TRPV3: variants seen among roughly 807,000 people sequenced by gnomAD.
TRPV3 encodes VRL-3.
A neutral mutation model predicts 87.1 loss-of-function variants in TRPV3; 88 were observed. The ratio of observed to expected loss-of-function variants is 1.01; its 90% CI spans 0.85 to 1.21. TRPV3 has a LOEUF of 1.21. TRPV3 is among the 50% of genes most tolerant of loss of function. The pLI is 0.00. For missense variants in TRPV3, 1,054 were observed against 1,030.1 expected, an observed-to-expected ratio of 1.02 and a Z score of -0.32; for synonymous variants, 438 against 423.3, an observed-to-expected ratio of 1.03 and a Z score of -0.43.
Position 3,524,296 on chromosome 17 carries a change from C to A in TRPV3, c.1645G>T (p.Ala549Ser). 6.2e-7 allele frequency: 1 copy of A among 1,614,222 alleles called. No individual in the cohort carries two copies. The change falls in exon 13 of 18, where the codon GCC becomes TCC. Residue 549 changes from alanine (A) to serine (S), a missense_variant. Ala to Ser is a moderately conservative substitution (Grantham distance 99). Transcript: ENST00000576742. ...LYLFAYKEYL[A>S]CLVLAMALGW... ...AGGGCCATGGCCAGCACGAGGCAGG[C>A]GAGGTACTCTTTGTAGGCAAACAAG...
At chr17:3,536,004 A>G in intron 6 of TRPV3, among the ~76,000 whole-genome samples, 1 of 152,224 alleles carries the variant, frequency 6.6e-6, no homozygotes, top group Non-Finnish European at 1.5e-5. Context: ...AGTGTCACTG[A>G]GAACGAGGTG....
intron 16 of TRPV3, among the ~76,000 whole-genome samples, chr17:3,515,215 T>C (rs2150777554): frequency 6.6e-6 from 1 of 152,200 alleles, no homozygotes; most frequent in Admixed American, 6.5e-5. Flanking sequence ...TCACAACTGT[T>C]TGTTAGGGTA....
intron 17 of TRPV3, 24 bp from the exon 18 acceptor site, chr17:3,514,035 T>A (rs1011233082): frequency 6.5e-7 from 1 of 1,549,882 alleles, no homozygotes; most frequent in African/African-American, 1.4e-5. Context: ...AAATATATAT[T>A]TTAGAAATAT....
Position 3,542,668 on chromosome 17 carries a change from T to A in TRPV3, c.497A>T (p.Asp166Val). 4 of 1,614,028 alleles carry A rather than the reference T, an allele frequency of 2.5e-6. No individual in the cohort carries two copies. Among genetic ancestry groups the A allele is most frequent in the Non-Finnish European group, 3.4e-6 (4 of 1,179,966 alleles). ...DFLMHKLTAS[D>V]TGKTCLMKAL... ...CTTCATCAGGCAGGTCTTCCCCGTG[T>A]CGGAGGCCGTCAGCTTGTGCATGAG... is the stretch of plus-strand genomic sequence containing the variant. The change falls in exon 6 of 18, where the codon GAC (aspartate) becomes GTC (valine). Residue 166 changes from aspartate (D) to valine (V), a missense_variant. Physicochemically the swap from Asp to Val is radical, Grantham distance 152. Transcript: ENST00000576742.
rs1158603167 is a variant in TRPV3, at chr17:3,530,306, C to T, written c.1066-103G>A. The stretch of plus-strand genomic sequence containing the variant: ...GCTGGGCCCAGGGGATACACCCGCC[C>T]AGAATGGGTGGAGACCTGCCTCTGC... On this transcript the variant is annotated intron_variant, in intron 8 of 17. Transcript: ENST00000576742. The surrounding 1 kb of genome is among the most constrained non-coding windows in gnomAD (Gnocchi z 4.0). 1 of 1,200,642 alleles carries T rather than the reference C, an allele frequency of 8.3e-7. No individual in the cohort carries two copies. The highest frequency in any genetic ancestry group is 1.5e-5 in the African/African-American group (1 of 65,174). The allele number at this position is 1,200,642 out of a possible 1,614,324, so 74.4% of individuals were successfully genotyped here.
chr17:3,554,675 C>T, intron 2 of TRPV3, 57 bp downstream of exon 2: 1 of 1,243,514 alleles, frequency 8.0e-7, no homozygotes, highest in East Asian at 2.4e-5. Flanking sequence ...GGGTGCCAGG[C>T]CCCCACTCGT....
intron 13 of TRPV3, 145 bp from the exon 14 acceptor site, chr17:3,521,184 C>A: frequency 2.1e-6 from 1 of 475,702 alleles, no homozygotes; most frequent in Non-Finnish European, 4.0e-6. Context: ...CCAAATCCTC[C>A]TGATGCTCCA....
chr17:3,524,190 C>G lies in TRPV3; in HGVS notation c.1743+8G>C. 6.2e-7 allele frequency: 1 copy of G among 1,613,716 alleles called. No individual in the cohort carries two copies. The highest frequency in any genetic ancestry group is 8.5e-7 in the Non-Finnish European group (1 of 1,179,812). ...AGGGCCCTCCCGCCGGCGCAGCTCT[C>G]AACGCACCTTCTGGATCATGACGCT... On this transcript the variant is annotated splice_region_variant and intron_variant, in intron 13 of 17. Coordinates refer to ENST00000576742, the MANE Select transcript of TRPV3 (RefSeq NM_145068.4).
chr17:3,543,712 G>T, intron 4 of TRPV3, 84 bp from the exon 5 acceptor site: 1 of 1,561,794 alleles, frequency 6.4e-7, no homozygotes. Flanking sequence ...CTGCCTACGG[G>T]GCGCTGCAGC....
intron 6 of TRPV3, among the ~76,000 whole-genome samples, chr17:3,537,341 C>A (rs960621175): frequency 5.5e-5 from 7 of 128,396 alleles, no homozygotes; most frequent in Admixed American, 1.8e-4. Flanking sequence ...ACGTGATGGT[C>A]CTATTTTATG....
At chr17:3,515,921 T>C (rs1353866610) in intron 16 of TRPV3, among the ~76,000 whole-genome samples, 1 of 151,922 alleles carries the variant, frequency 6.6e-6, no homozygotes, top group Admixed American at 6.6e-5. Context: ...GTGCGGTGGC[T>C]CATGCCTGTA....
intron 8 of TRPV3, among the ~76,000 whole-genome samples, chr17:3,531,419 G>A (rs1250768452): frequency 6.6e-6 from 1 of 151,484 alleles, no homozygotes; most frequent in Middle Eastern, 3.4e-3. Flanking sequence ...AGGTCTCTCC[G>A]CCCCGCACCC....
intron 3 of TRPV3, among the ~76,000 whole-genome samples, 153 bp downstream of exon 3, chr17:3,545,013 CA>C (rs1272525321): frequency 2.0e-5 from 3 of 152,108 alleles, no homozygotes; most frequent in African/African-American, 7.2e-5. Flanking sequence ...CATTCCATCT[CA>C]AAAAGATAAA....
At chr17:3,552,557 G>C (rs188516918) in intron 2 of TRPV3, 1 of 152,254 alleles carries the variant, frequency 6.6e-6, no homozygotes, top group Non-Finnish European at 1.5e-5. Context: ...TGAGGGGGGT[G>C]CCCAAACCTT....
rs999169691 is a variant in TRPV3, at chr17:3,535,730, G to A, written c.644-17C>T. 2 of 1,468,312 alleles carry A rather than the reference G, an allele frequency of 1.4e-6. No homozygotes were observed. The highest frequency in any genetic ancestry group is 2.4e-4 in the Middle Eastern group (1 of 4,162). 91.0% of individuals were successfully genotyped at this position (1,468,312 alleles called of 1,614,324 possible). A position where few individuals can be genotyped will look rare whatever the true frequency, so the allele number is the denominator to read the frequency against. ...CCGTCTGCCCTGCGGAGCGGGCGGGGACGCGCGGGAGCCTCAGCGCCGGGC... is the reference window on the plus strand; with the variant it reads ...CCGTCTGCCCTGCGGAGCGGGCGGGAACGCGCGGGAGCCTCAGCGCCGGGC... On this transcript the variant is annotated splice_polypyrimidine_tract_variant and intron_variant, in intron 6 of 17. Transcript: ENST00000576742.
rs527901427 is a variant in TRPV3, at chr17:3,551,323, C to T, written c.119+3409G>A. On this transcript the variant is annotated intron_variant, in intron 2 of 17. Coordinates refer to ENST00000576742, the MANE Select transcript of TRPV3 (RefSeq NM_145068.4). ...AGACCGTGAAGGTCTGTCCTGCGCC[C>T]GCCCTACTGGTCACTGCACACACTA... Among the ~76,000 whole-genome samples the T allele has an allele frequency of 5.3e-5, 8 of 152,134 alleles. 1 individual carries two copies. The highest frequency in any genetic ancestry group is 4.1e-4 in the South Asian group (2 of 4,830).
intron 12 of TRPV3, 22 bp from the exon 13 acceptor site, chr17:3,524,385 C>A: frequency 6.2e-7 from 1 of 1,612,960 alleles, no homozygotes; most frequent in Non-Finnish European, 8.5e-7. Flanking sequence ...ACACAGGAGA[C>A]ACGGGCCTTA....
intron 4 of TRPV3, 142 bp downstream of exon 4, chr17:3,544,437 A>G (rs894059203): frequency 2.6e-5 from 15 of 573,990 alleles, no homozygotes; most frequent in Admixed American, 2.1e-4. Flanking sequence ...AACGTCCTAC[A>G]TGCCATGGAC....
Position 3,532,882 on chromosome 17 carries a change from C to G in TRPV3, c.840G>C (p.Leu280=). ...TGTCCGTCTGCTCGTGCTCCATCAG[C>G]AGCTGCACAATCTCGGGCTGGTTGG... ...ACTNQPEIVQ[L]LMEHEQTDIT... is the part of the protein sequence containing the mutation. The change falls in exon 8 of 18, where the codon CTG becomes CTC. Residue 280 remains leucine (L), a synonymous_variant. Coordinates refer to ENST00000576742, the MANE Select transcript of TRPV3 (RefSeq NM_145068.4). The G allele has an allele frequency of 6.2e-7, 1 of 1,614,244 alleles. No homozygotes were observed. Among genetic ancestry groups the G allele is most frequent in the African/African-American group, 1.3e-5 (1 of 75,066 alleles).
Sources: gnomAD v4.1 joint callset for allele counts (sites outside exome capture counted in the v4.1 genomes callset) on GRCh38, gnomAD v4.1.1 for gene constraint, Gnocchi (gnomAD v3.1) non-coding constraint, MANE v1.5 for transcripts, NCBI Gene and HGNC (gene_info 2026-07-23, HGNC 2026-07-21) for gene names.